The following ASTN1 variants were observed in gnomAD, a reference collection of about 807,000 sequenced individuals.
ASTN1 encodes the protein astrotactin-1.
A neutral mutation model predicts 140.7 loss-of-function variants in ASTN1; 41 were observed. The observed-to-expected ratio is 0.29, with a 90% CI of 0.23 to 0.38. The LOEUF (loss-of-function observed/expected upper bound fraction) is 0.38, where lower values mean the gene tolerates loss of function less well. Among genes scored for constraint, ASTN1 ranks in the 10% least tolerant of loss-of-function variants. ASTN1 has a pLI of 1.00. For missense variants in ASTN1, 1,479 were observed against 1,678.8 expected (o/e 0.88, Z 2.08); for synonymous variants, 640 against 652.2 (o/e 0.98, Z 0.29).
rs367837684 is a variant in ASTN1 at position 177,036,022 on chromosome 1, AT to A, written c.472-3174del. 5.4e-3 allele frequency among the ~76,000 whole-genome samples: 760 copies of A among 141,852 alleles called. 10 individuals are homozygous for A. Among genetic ancestry groups the A allele is most frequent in the African/African-American group, 0.018 (712 of 38,608 alleles). 93.1% of individuals were successfully genotyped at this position (141,852 alleles called of 152,430 possible). A position where few individuals can be genotyped will look rare whatever the true frequency, so the allele number is the denominator to read the frequency against. On this transcript the variant is annotated intron_variant, in intron 2 of 22. Coordinates refer to ENST00000361833, the MANE Select transcript of ASTN1 (RefSeq NM_004319.3). ...CTTAGAGTCAGTGACTCTGGATGGG[AT>A]GACCTCAGCTTTCTTTTTTTTTTTT...
intron 8 of ASTN1, among the ~76,000 whole-genome samples, chr1:176,975,529 C>T (rs1267345334): frequency 1.3e-5 from 2 of 152,188 alleles, no homozygotes; most frequent in East Asian, 1.9e-4. Flanking sequence ...CACTGGCCTC[C>T]GGGTATAAAG....
At chr1:176,876,503 C>T (rs888631508) in intron 21 of ASTN1, 34 bp downstream of exon 21, 9 of 1,610,542 alleles carry the variant, frequency 5.6e-6, no homozygotes, top group South Asian at 2.2e-5. Flanking sequence ...TGGGGCATCC[C>T]TTCAGAAACA....
intron 1 of ASTN1, among the ~76,000 whole-genome samples, chr1:177,062,544 CT>C (rs1262248770): frequency 0.012 from 1,555 of 128,624 alleles, 13 homozygotes; most frequent in African/African-American, 0.022. Flanking sequence ...ATGGCCTGGC[CT>C]TTTTTTTTTT....
At chr1:176,918,791 T>C (rs972633) in intron 16 of ASTN1, among the ~76,000 whole-genome samples, 4,560 of 152,272 alleles carry the variant, frequency 0.03, 190 homozygotes, top group African/African-American at 0.1. Context: ...TTCCTCTTGG[T>C]GGCTTCCTAC....
chr1:176,952,230 T>TTTTC (rs145018388), intron 11 of ASTN1, among the ~76,000 whole-genome samples: 1 of 151,918 alleles, frequency 6.6e-6, no homozygotes, highest in Non-Finnish European at 1.5e-5. Context: ...CAGCCTAGTA[T>TTTTC]TTTCTTTCTT....
intron 15 of ASTN1, chr1:176,936,026 C>G: frequency 1.7e-6 from 1 of 577,978 alleles, no homozygotes; most frequent in Non-Finnish European, 3.2e-6. Context: ...TGGCTCCAGT[C>G]TTGCCCTTTC....
At chr1:177,156,384 G>C (rs1683237999) in intron 1 of ASTN1, among the ~76,000 whole-genome samples, 1 of 151,630 alleles carries the variant, frequency 6.6e-6, no homozygotes, top group African/African-American at 2.4e-5. Context: ...TGTAGTGACA[G>C]GAAGTAAAAA....
At chr1:177,050,134 A>G (rs2102011920) in intron 2 of ASTN1, among the ~76,000 whole-genome samples, 2 of 152,322 alleles carry the variant, frequency 1.3e-5, no homozygotes, top group Middle Eastern at 3.4e-3. Context: ...TACAAATCCC[A>G]AGGGCCTATA....
At chr1:176,976,372 C>T (rs1274389264) in intron 8 of ASTN1, 1 of 152,210 alleles carries the variant, frequency 6.6e-6, no homozygotes, top group Non-Finnish European at 1.5e-5. Flanking sequence ...CGACTGCTCT[C>T]TTCCTCCTCT....
intron 20 of ASTN1, among the ~76,000 whole-genome samples, chr1:176,881,703 A>G (rs540759870): frequency 2.4e-4 from 37 of 152,272 alleles, no homozygotes; most frequent in Admixed American, 5.9e-4. Flanking sequence ...GTCTATATAT[A>G]CTGTCGAAAT....
At chr1:176,999,407 G>A (rs1674611533) in intron 8 of ASTN1, among the ~76,000 whole-genome samples, 1 of 152,200 alleles carries the variant, frequency 6.6e-6, no homozygotes, top group African/African-American at 2.4e-5. Context: ...TTTAGAAAAT[G>A]TATTAAATGC....
At chr1:177,136,259 C>G (rs1237204977) in intron 1 of ASTN1, among the ~76,000 whole-genome samples, 1 of 152,170 alleles carries the variant, frequency 6.6e-6, no homozygotes, top group African/African-American at 2.4e-5. Flanking sequence ...AGTCTTACTG[C>G]ATTTGACTAA....
chr1:177,056,452 G>T (rs1026505507), intron 2 of ASTN1, among the ~76,000 whole-genome samples: 93 of 151,998 alleles, frequency 6.1e-4, no homozygotes, highest in African/African-American at 2.2e-3. Context: ...TGGCCAAGGA[G>T]CCACAAACAG....
At chr1:177,130,088 G>A (rs1167717299) in intron 1 of ASTN1, among the ~76,000 whole-genome samples, 2 of 152,242 alleles carry the variant, frequency 1.3e-5, no homozygotes, top group African/African-American at 4.8e-5. Flanking sequence ...AAGTCACAGA[G>A]CTTATGAGTG....
At chr1:176,871,888 T>C (rs1192304355) in intron 21 of ASTN1, among the ~76,000 whole-genome samples, 1 of 152,226 alleles carries the variant, frequency 6.6e-6, no homozygotes, top group East Asian at 1.9e-4. Flanking sequence ...TTAACATTCA[T>C]GATGTTCAGA....
intron 2 of ASTN1, among the ~76,000 whole-genome samples, chr1:177,046,933 C>G (rs1276017962): frequency 6.6e-6 from 1 of 152,186 alleles, no homozygotes; most frequent in Non-Finnish European, 1.5e-5. Flanking sequence ...ACCAGCCATT[C>G]AGCCATTTAA....
intron 1 of ASTN1, among the ~76,000 whole-genome samples, chr1:177,149,240 A>AG (rs1203008419): frequency 8.0e-5 from 8 of 100,532 alleles, no homozygotes; most frequent in East Asian, 2.7e-4. Flanking sequence ...GTAAATATAT[A>AG]TATACTATAT....
intron 1 of ASTN1, among the ~76,000 whole-genome samples, chr1:177,082,841 T>C (rs1679245649): frequency 6.6e-6 from 1 of 152,188 alleles, no homozygotes; most frequent in Non-Finnish European, 1.5e-5. Context: ...ATTTAAAAAT[T>C]ACTAGGATCA....
Position 177,117,562 on chromosome 1 carries a change from A to G in ASTN1, c.283+46832T>C, listed in dbSNP as rs149389671. On this transcript the variant is annotated intron_variant, in intron 1 of 22. Coordinates refer to ENST00000361833, the MANE Select transcript of ASTN1 (RefSeq NM_004319.3). ...TGGGAGTAAACAGTGAACGATAAAC[A>G]TAATTGCAGCAGCTCCTTCTTCAAG... Among the ~76,000 whole-genome samples the G allele has an allele frequency of 2.4e-4, 36 of 152,278 alleles. No individual in the cohort carries two copies. In the East Asian group the frequency reaches 5.6e-3, roughly 24 times the overall value.
Sources: gnomAD v4.1 joint callset for allele counts (sites outside exome capture counted in the v4.1 genomes callset) on GRCh38, gnomAD v4.1.1 for gene constraint, MANE v1.5 for transcripts, NCBI Gene and HGNC (gene_info 2026-07-23, HGNC 2026-07-21) for gene names.